Variants in PDPK1 observed in about 807,000 individuals in gnomAD.
PDPK1 encodes 3-phosphoinositide-dependent protein kinase 1.
In PDPK1, 7 loss-of-function variants were observed where a neutral mutation model predicts 39.8. The observed-to-expected ratio is 0.18, with a 90% CI of 0.10 to 0.33. The LOEUF is 0.33. Ranked by LOEUF, PDPK1 falls within the 10% of genes least tolerant of loss-of-function variation. The pLI, the probability that PDPK1 is intolerant of heterozygous loss-of-function variation, is 1.00. For synonymous variants in PDPK1, 118 were observed against 159.1 expected (o/e 0.74, Z 1.95); for missense variants, 182 against 384.7 (o/e 0.47, Z 4.41).
In PDPK1 at chr16:2,597,809, G is replaced by C; in HGVS notation, c.*42G>C. 2 of 1,389,526 alleles carry C rather than the reference G, an allele frequency of 1.4e-6. No individual in the cohort carries two copies. The highest frequency in any genetic ancestry group is 2.0e-6 in the Non-Finnish European group (2 of 981,574). 86.1% of individuals were successfully genotyped at this position (1,389,526 alleles called of 1,614,324 possible). On this transcript the variant is annotated 3_prime_UTR_variant, in exon 14 of 14. Transcript: ENST00000342085. The surrounding 1 kb of genome is among the most constrained non-coding windows in gnomAD (Gnocchi z 6.3). ...GCTGCCCTTCGCTGCCAGGACACCT[G>C]CCCCAGCGCGGCTTGGCCGCCATCC... is the stretch of plus-strand genomic sequence containing the variant.
chr16:2,588,230 T>C (rs745711204), intron 11 of PDPK1, among the ~76,000 whole-genome samples: 4 of 152,158 alleles, frequency 2.6e-5, no homozygotes, highest in Non-Finnish European at 5.9e-5. Context: ...AGCTAGGGGC[T>C]CTGAATCACA....
chr16:2,594,133 GC>G (rs2142005164), intron 11 of PDPK1: 1 of 152,574 alleles, frequency 6.6e-6, no homozygotes, highest in Non-Finnish European at 1.5e-5. Flanking sequence ...AAGATGCTGT[GC>G]CCCCAACTCG....
intron 11 of PDPK1, chr16:2,592,615 C>T (rs1024321162): frequency 5.4e-6 from 2 of 369,106 alleles, no homozygotes; most frequent in East Asian, 1.5e-4. Flanking sequence ...GCAGAGGTTA[C>T]ACTGGGCCAA....
intron 6 of PDPK1, among the ~76,000 whole-genome samples, chr16:2,573,644 G>A (rs1177075951): frequency 2.6e-5 from 2 of 77,650 alleles, no homozygotes; most frequent in African/African-American, 1.5e-4. Flanking sequence ...TGGGAGGATC[G>A]CTTGAACCCG....
chr16:2,589,551 GGTGCTGCACACCTGT>G (rs753272447), intron 11 of PDPK1, among the ~76,000 whole-genome samples: 4 of 152,024 alleles, frequency 2.6e-5, no homozygotes, highest in Non-Finnish European at 4.4e-5. Context: ...AACCAGGCAT[GGTGCTGCACACCTGT>G]AGTCCTAGCT....
In PDPK1 at chr16:2,598,440, G is replaced by A. The variant is rs935833431; in HGVS notation, c.*673G>A. On this transcript the variant is annotated 3_prime_UTR_variant, in exon 14 of 14. Coordinates refer to ENST00000342085, the MANE Select transcript of PDPK1 (RefSeq NM_002613.5). The stretch of plus-strand genomic sequence containing the variant: ...GTGGTGAGGAGCGGGAGGGGTTGGA[G>A]TGGTGCGGGAGCAGGCTGCCGAGTG... 3 of 234,122 alleles carry A rather than the reference G, an allele frequency of 1.3e-5. No individual in the cohort carries two copies. The highest frequency in any genetic ancestry group is 2.5e-5 in the Non-Finnish European group (3 of 118,758). The allele number at this position is 234,122 out of a possible 1,614,324, so 14.5% of individuals were successfully genotyped here. A position where few individuals can be genotyped will look rare whatever the true frequency, so the allele number is the denominator to read the frequency against.
At chr16:2,562,983 CAG>C (rs1321493545) in intron 4 of PDPK1, 2 of 152,870 alleles carry the variant, frequency 1.3e-5, no homozygotes, top group Non-Finnish European at 2.9e-5. Flanking sequence ...AGAATGGAGT[CAG>C]GGGCGGCTCC....
At chr16:2,592,708 T>C in intron 11 of PDPK1, 1 of 424,552 alleles carries the variant, frequency 2.4e-6, no homozygotes. Context: ...TTCCTGGAAG[T>C]GCTCACAGCA....
chr16:2,593,343 A>G lies in PDPK1; in HGVS notation c.1344-2450A>G, dbSNP rs763698366. 39 of 337,308 alleles carry G rather than the reference A, an allele frequency of 1.2e-4. No individual in the cohort carries two copies. Among genetic ancestry groups the G allele is most frequent in the South Asian group, 1.6e-4 (7 of 44,186 alleles). 20.9% of individuals were successfully genotyped at this position (337,308 alleles called of 1,614,324 possible). ...TGCTGTGGGGTGCAGCTGATGGCCC[A>G]TGGCGGCTGTATCTGGAAGTCCTTT... On this transcript the variant is annotated intron_variant, in intron 11 of 13. Transcript: ENST00000342085. This position sits in a 1 kb window ranked among gnomAD's most constrained non-coding sequence, Gnocchi z 4.2.
intron 1 of PDPK1, among the ~76,000 whole-genome samples, chr16:2,540,689 C>T (rs1340717999): frequency 3.3e-5 from 5 of 152,112 alleles, no homozygotes; most frequent in African/African-American, 9.7e-5. Context: ...ACTCTGTGAC[C>T]CCGGGGCCTG....
At chr16:2,594,864 A>G (rs984428711) in intron 11 of PDPK1, among the ~76,000 whole-genome samples, 14 of 151,878 alleles carry the variant, frequency 9.2e-5, no homozygotes, top group East Asian at 3.9e-4. Context: ...GCTCACGCCT[A>G]TAATCCCAGC....
At chr16:2,589,292 T>G (rs1312287101) in intron 11 of PDPK1, among the ~76,000 whole-genome samples, 1 of 152,228 alleles carries the variant, frequency 6.6e-6, no homozygotes, top group Non-Finnish European at 1.5e-5. Flanking sequence ...TCAATATTTC[T>G]ACTGAGCTCT....
At chr16:2,569,173 T>TA (rs1368028723) in intron 6 of PDPK1, 2 of 24,066 alleles carry the variant, frequency 8.3e-5, no homozygotes, top group East Asian at 9.3e-4. Context: ...TGTAGCCACT[T>TA]AAAAAAAACG....
At chr16:2,589,742 G>A (rs985438633) in intron 11 of PDPK1, among the ~76,000 whole-genome samples, 2 of 151,426 alleles carry the variant, frequency 1.3e-5, no homozygotes, top group South Asian at 4.2e-4. Context: ...AATTTACATG[G>A]AATAGTTTAC....
intron 11 of PDPK1, chr16:2,592,487 A>G: frequency 6.4e-6 from 2 of 310,614 alleles, no homozygotes; most frequent in South Asian, 5.1e-5. Flanking sequence ...CAGCCTGGCC[A>G]ACATGGTGAA....
At chr16:2,592,765 C>T (rs1319949148) in intron 11 of PDPK1, 4 of 455,124 alleles carry the variant, frequency 8.8e-6, no homozygotes, top group East Asian at 6.9e-5. Flanking sequence ...GCTGCACACA[C>T]GCTGTGCTCT....
chr16:2,544,135 G>T (rs1437005318), intron 1 of PDPK1, among the ~76,000 whole-genome samples: 2 of 152,194 alleles, frequency 1.3e-5, no homozygotes, highest in Non-Finnish European at 2.9e-5. Flanking sequence ...TCTATCCACT[G>T]TTGGTTGAAT....
intron 11 of PDPK1, among the ~76,000 whole-genome samples, chr16:2,588,186 T>C (rs1443684397): frequency 6.6e-6 from 1 of 152,216 alleles, no homozygotes; most frequent in Non-Finnish European, 1.5e-5. Flanking sequence ...CTAGAAAACC[T>C]GTGCAGAGAT....
At position 2,603,019 on chromosome 16, in the gene PDPK1, C is replaced by T. The variant is rs11554591; in HGVS notation, c.*5252C>T. 1 of 227,904 alleles carries T rather than the reference C, an allele frequency of 4.4e-6. No individual in the cohort carries two copies. The highest frequency in any genetic ancestry group is 8.7e-6 in the Non-Finnish European group (1 of 115,090). The allele number at this position is 227,904 out of a possible 1,614,324, so 14.1% of individuals were successfully genotyped here. A position where few individuals can be genotyped will look rare whatever the true frequency, so the allele number is the denominator to read the frequency against. ...TAAACTATATTTTACAACTTTTTTTCTGGCTTTATTATATAAATTTTCTAT... is the reference window on the plus strand; with the variant it reads ...TAAACTATATTTTACAACTTTTTTTTTGGCTTTATTATATAAATTTTCTAT... On this transcript the variant is annotated 3_prime_UTR_variant, in exon 14 of 14. Coordinates refer to ENST00000342085, the MANE Select transcript of PDPK1 (RefSeq NM_002613.5).
Sources: allele counts gnomAD v4.1 joint callset (sites outside exome capture counted in the v4.1 genomes callset), GRCh38; gene constraint gnomAD v4.1.1; non-coding constraint Gnocchi (gnomAD v3.1); transcripts MANE v1.5; gene names NCBI Gene and HGNC (gene_info 2026-07-23, HGNC 2026-07-21).